The following ATP6V0E1 variants were observed in gnomAD, a reference collection of about 807,000 sequenced individuals.
The protein encoded by ATP6V0E1 is ATPase H+ transporting V0 subunit e1, also known as V-type proton ATPase subunit e 1.
In ATP6V0E1, 4 loss-of-function variants were observed where a neutral mutation model predicts 11.6. The observed-to-expected ratio is 0.35, with a 90% confidence interval of 0.17 to 0.79. The LOEUF (loss-of-function observed/expected upper bound fraction) is 0.79, where lower values mean the gene tolerates loss of function less well. ATP6V0E1 is among the 30% of genes least tolerant of loss of function. The pLI is 0.54. For missense variants in ATP6V0E1, 105 were observed against 100.0 expected (o/e 1.05, Z -0.21); for synonymous variants, 36 against 34.8 (o/e 1.04, Z -0.13).
intron 3 of ATP6V0E1, among the ~76,000 whole-genome samples, chr5:173,023,441 C>G (rs1756513765): frequency 6.6e-6 from 1 of 152,242 alleles, no homozygotes; most frequent in Admixed American, 6.5e-5. Flanking sequence ...GGTGATCCAC[C>G]CGCCTAGGCC....
At chr5:173,024,123 A>G (rs1029237971) in intron 3 of ATP6V0E1, among the ~76,000 whole-genome samples, 3 of 145,274 alleles carry the variant, frequency 2.1e-5, no homozygotes, top group Non-Finnish European at 3.0e-5. Context: ...GCATGAACCC[A>G]GGAGGTGGAG....
intron 3 of ATP6V0E1, among the ~76,000 whole-genome samples, chr5:173,026,934 T>C (rs1238500186): frequency 6.6e-6 from 1 of 152,066 alleles, no homozygotes; most frequent in African/African-American, 2.4e-5. Context: ...CCCAGCACTT[T>C]GGGAGGCTGA....
intron 1 of ATP6V0E1, among the ~76,000 whole-genome samples, chr5:172,991,365 A>T (rs1755975228): frequency 6.6e-6 from 1 of 152,196 alleles, no homozygotes; most frequent in Admixed American, 6.6e-5. Context: ...GGGAGCTTTT[A>T]TGTGAAACTA....
intron 2 of ATP6V0E1, among the ~76,000 whole-genome samples, chr5:173,017,023 G>T (rs1756409861): frequency 6.6e-6 from 1 of 152,092 alleles, no homozygotes; most frequent in Non-Finnish European, 1.5e-5. Context: ...CTGATATGGT[G>T]CTGGCTAATT....
rs111415356 is a variant in ATP6V0E1 at position 173,020,333 on chromosome 5, G to A, written c.*2G>A. On this transcript the variant is annotated 3_prime_UTR_variant, in exon 3 of 4. Coordinates refer to ENST00000519374, the MANE Select transcript of ATP6V0E1 (RefSeq NM_003945.4). Reference sequence around the variant, plus strand: ...TATCTGAAGTATCATTGGCCTTGAGGAAGAAGACATGCTCTACAGTGCTCA... The same window carrying A: ...TATCTGAAGTATCATTGGCCTTGAGAAAGAAGACATGCTCTACAGTGCTCA... The A allele has an allele frequency of 1.1e-5, 17 of 1,604,958 alleles. No homozygotes were observed. The highest frequency in any genetic ancestry group is 9.4e-5 in the African/African-American group (7 of 74,700).
At chr5:172,988,938 C>T (rs1034555373) in intron 1 of ATP6V0E1, among the ~76,000 whole-genome samples, 1 of 152,224 alleles carries the variant, frequency 6.6e-6, no homozygotes, top group Non-Finnish European at 1.5e-5. Flanking sequence ...ATCCTCTCGC[C>T]TCGGCCTCCC....
In ATP6V0E1 at chr5:172,988,352, T is replaced by G. The variant is rs541375847; in HGVS notation, c.104+4388T>G. 8.5e-5 allele frequency among the ~76,000 whole-genome samples: 13 copies of G among 152,262 alleles called. 1 individual carries two copies. In the South Asian group the frequency reaches 2.3e-3, roughly 27 times the overall value. ...TGAGCAGTGTCTCTCCTAGGAAGAG[T>G]TGCTATAATACATTTTGAGAAACAC... On this transcript the variant is annotated intron_variant, in intron 1 of 3. Transcript: ENST00000519374.
At chr5:173,027,171 TC>T (rs1408360422) in intron 3 of ATP6V0E1, among the ~76,000 whole-genome samples, 2 of 79,230 alleles carry the variant, frequency 2.5e-5, no homozygotes, top group Admixed American at 2.0e-4. Context: ...ACAGCGAGAC[TC>T]CGTCTCAAAA....
At chr5:173,023,768 C>T (rs1756517646) in intron 3 of ATP6V0E1, among the ~76,000 whole-genome samples, 1 of 152,078 alleles carries the variant, frequency 6.6e-6, no homozygotes, top group Non-Finnish European at 1.5e-5. Flanking sequence ...GAACTTGAGC[C>T]TGGGAGGTGG....
At chr5:173,013,485 G>A (rs1013401850) in intron 2 of ATP6V0E1, among the ~76,000 whole-genome samples, 12 of 148,228 alleles carry the variant, frequency 8.1e-5, no homozygotes, top group African/African-American at 2.5e-4. Flanking sequence ...TGAGGCAGGA[G>A]AATGGCGTGA....
At chr5:173,004,347 C>G (rs550335778) in intron 2 of ATP6V0E1, among the ~76,000 whole-genome samples, 1 of 152,134 alleles carries the variant, frequency 6.6e-6, no homozygotes, top group African/African-American at 2.4e-5. Context: ...TAACCCCAGT[C>G]GCCAAAGCCT....
At chr5:172,986,878 C>T in intron 1 of ATP6V0E1, 1 of 330,872 alleles carries the variant, frequency 3.0e-6, no homozygotes. Flanking sequence ...CCCTCCGCCT[C>T]CTGGGTTCAA....
intron 2 of ATP6V0E1, among the ~76,000 whole-genome samples, chr5:172,995,206 T>C (rs1756045934): frequency 6.6e-6 from 1 of 152,212 alleles, no homozygotes; most frequent in South Asian, 2.1e-4. Context: ...TGGGTTCAAG[T>C]GAGTCTCATG....
chr5:173,021,457 G>A (rs759387412), intron 3 of ATP6V0E1, among the ~76,000 whole-genome samples: 11 of 152,162 alleles, frequency 7.2e-5, no homozygotes, highest in Non-Finnish European at 1.5e-4. Context: ...AAAACCATCA[G>A]ATCTCGTGAG....
At chr5:172,993,089 C>T (rs1012094093) in intron 1 of ATP6V0E1, among the ~76,000 whole-genome samples, 17 of 152,328 alleles carry the variant, frequency 1.1e-4, no homozygotes, top group Admixed American at 9.8e-4. Context: ...TGAGCCACCA[C>T]GCCCGGCCAC....
intron 3 of ATP6V0E1, among the ~76,000 whole-genome samples, chr5:173,027,071 C>CG (rs1445171414): frequency 6.9e-6 from 1 of 145,424 alleles, no homozygotes; most frequent in Non-Finnish European, 1.5e-5. Context: ...CCCAGCTACT[C>CG]GGGAGGCTGG....
In ATP6V0E1 at chr5:173,004,653, C is replaced by T. The variant is rs187904229; in HGVS notation, c.152+9831C>T. On this transcript the variant is annotated intron_variant, in intron 2 of 3. Transcript: ENST00000519374. Reference sequence around the variant, plus strand: ...GATGGTCCTGGGAGGTTTCAAATGCCGGTAAAAATTGAGATAAGGAAAGAT... The same window carrying T: ...GATGGTCCTGGGAGGTTTCAAATGCTGGTAAAAATTGAGATAAGGAAAGAT... Among the ~76,000 whole-genome samples the T allele has an allele frequency of 7.8e-4, 118 of 152,074 alleles. 1 individual carries two copies. Among genetic ancestry groups the T allele is most frequent in the African/African-American group, 2.6e-3 (107 of 41,512 alleles).
chr5:173,008,562 G>A lies in ATP6V0E1; in HGVS notation c.153-11676G>A, dbSNP rs113756735. The stretch of plus-strand genomic sequence containing the variant: ...GATCTGCCCACCTTGGCTTCCCAAA[G>A]TGCTGGGATTACAGGCGTGAGCCAC... On this transcript the variant is annotated intron_variant, in intron 2 of 3. Transcript: ENST00000519374. Among the ~76,000 whole-genome samples, 1,301 of 148,778 alleles carry A rather than the reference G, an allele frequency of 8.7e-3. 19 individuals carry two copies. Among genetic ancestry groups the A allele is most frequent in the African/African-American group, 0.03 (1,241 of 41,032 alleles).
Position 172,983,873 on chromosome 5 carries a change from G to C in ATP6V0E1, c.13G>C (p.Gly5Arg). The change falls in exon 1 of 4, where the codon GGC becomes CGC. Residue 5 changes from glycine to arginine, a missense_variant. Coordinates refer to ENST00000519374, the MANE Select transcript of ATP6V0E1 (RefSeq NM_003945.4). Reference protein sequence around the residue: MAYHGLTVPLIVMSV... With the variant: MAYHRLTVPLIVMSV... ...TCAGGCGGCGACCATGGCGTATCAC[G>C]GCCTCACTGTGCCTCTCATTGTGAT... 6.2e-7 allele frequency: 1 copy of C among 1,613,766 alleles called. No individual in the cohort carries two copies. The highest frequency in any genetic ancestry group is 8.5e-7 in the Non-Finnish European group (1 of 1,179,806).
Sources: gnomAD v4.1 joint callset for allele counts (sites outside exome capture counted in the v4.1 genomes callset) on GRCh38, gnomAD v4.1.1 for gene constraint, MANE v1.5 for transcripts, NCBI Gene and HGNC (gene_info 2026-07-23, HGNC 2026-07-21) for gene names.